Variants in HOXD12 observed in about 807,000 individuals in gnomAD.
HOXD12 encodes homeobox protein Hox-D12.
A neutral mutation model predicts 20.2 loss-of-function variants in HOXD12; 21 were observed. The ratio of observed to expected loss-of-function variants is 1.04; its 90% CI spans 0.74 to 1.50. HOXD12 has a LOEUF of 1.50. Among genes scored for constraint, HOXD12 ranks in the 40% most tolerant of loss-of-function variants. The probability of loss-of-function intolerance (pLI) is 0.00; values close to 1 mark genes in which losing one functional copy is unlikely to be tolerated. For synonymous variants in HOXD12, 196 were observed against 168.8 expected (o/e 1.16, Z -1.25); for missense variants, 472 against 365.5 (o/e 1.29, Z -2.38).
chr2:176,100,938 T>C lies in HOXD12; in HGVS notation c.*178T>C. The C allele has an allele frequency of 3.3e-6, 2 of 607,506 alleles. No individual in the cohort carries two copies. The highest frequency in any genetic ancestry group is 2.9e-5 in the Admixed American group (1 of 34,070). 37.6% of individuals were successfully genotyped at this position (607,506 alleles called of 1,614,324 possible). On this transcript the variant is annotated 3_prime_UTR_variant, in exon 2 of 2. Coordinates refer to ENST00000406506, the MANE Select transcript of HOXD12 (RefSeq NM_021193.4). ...GGGCCTCCTTGCTTTCCTCAGTCCC[T>C]GAGAAGCCCGTGAGAAACGTGCGGA...
rs1689460355 is a variant in HOXD12 at position 176,099,799 on chromosome 2, G to C, written c.-3G>C. The C allele has an allele frequency of 6.9e-7, 1 of 1,456,084 alleles. No individual in the cohort carries two copies. The highest frequency in any genetic ancestry group is 1.5e-5 in the African/African-American group (1 of 67,216). The allele number at this position is 1,456,084 out of a possible 1,614,324, so 90.2% of individuals were successfully genotyped here. The stretch of plus-strand genomic sequence containing the variant: ...CGAGCGCAGCCGAAGCCCTTTGTTG[G>C]AGATGTGTGAGCGCAGTCTCTACAG... On this transcript the variant is annotated 5_prime_UTR_variant, in exon 1 of 2. Coordinates refer to ENST00000406506, the MANE Select transcript of HOXD12 (RefSeq NM_021193.4).
At position 176,101,498 on chromosome 2, in the gene HOXD12, A is replaced by G. The variant is rs1013887089; in HGVS notation, c.*738A>G. On this transcript the variant is annotated 3_prime_UTR_variant, in exon 2 of 2. Transcript: ENST00000406506. ...CATTTCCTGAGATGGGATGAGAGAG[A>G]CTGGGACTCCAGACAAGTGCCATCT... Among the ~76,000 whole-genome samples, 9 of 152,112 alleles carry G rather than the reference A, an allele frequency of 5.9e-5. No homozygotes were observed. Among genetic ancestry groups the G allele is most frequent in the African/African-American group, 2.2e-4 (9 of 41,422 alleles).
At position 176,100,568 on chromosome 2, in the gene HOXD12, A is replaced by T; in HGVS notation, c.621A>T (p.Lys207Asn). The T allele has an allele frequency of 6.2e-7, 1 of 1,611,748 alleles. No homozygotes were observed. Among genetic ancestry groups the T allele is most frequent in the Non-Finnish European group, 8.5e-7 (1 of 1,178,978 alleles). The part of the protein sequence containing the change: ...AAPGRARKKR[K>N]PYTKQQIAEL... The stretch of plus-strand genomic sequence containing the variant: ...CGGGGAGGGCCCGCAAGAAGCGGAA[A>T]CCCTACACGAAGCAGCAGATTGCGG... Residue 207 changes from lysine (K) to asparagine (N), a missense_variant, in exon 2 of 2, where the codon AAA becomes AAT. Transcript: ENST00000406506.
At position 176,101,889 on chromosome 2, in the gene HOXD12, C is replaced by T. The variant is rs953447647; in HGVS notation, c.*1129C>T. Among the ~76,000 whole-genome samples, 1 of 152,236 alleles carries T rather than the reference C, an allele frequency of 6.6e-6. No individual in the cohort carries two copies. On this transcript the variant is annotated 3_prime_UTR_variant, in exon 2 of 2. Transcript: ENST00000406506. ...CTTAGATTCTCTGCCCCGCTAGCTG[C>T]TCTTGACAAAGCAAAGAGGACCAGA...
Position 176,100,268 on chromosome 2 carries a change from C to T in HOXD12, c.467C>T (p.Ala156Val). The change falls in exon 1 of 2, where the codon GCT becomes GTT. Residue 156 changes from alanine (A) to valine (V), a missense_variant. Coordinates refer to ENST00000406506, the MANE Select transcript of HOXD12 (RefSeq NM_021193.4). ...GGCTCCACGACCCTGCTCCAGGGGG[C>T]TCCCTGCGCCCCTGGCTTCAAGGAC... ...TPGSTTLLQG[A>V]PCAPGFKDDT... 1.2e-6 allele frequency: 2 copies of T among 1,612,496 alleles called. No individual in the cohort carries two copies. Among genetic ancestry groups the T allele is most frequent in the Non-Finnish European group, 1.7e-6 (2 of 1,179,780 alleles).
At chr2:176,100,471 G>A (rs1038612406) in intron 1 of HOXD12, 51 bp from the exon 2 acceptor site, 1 of 1,584,882 alleles carries the variant, frequency 6.3e-7, no homozygotes. Context: ...CTGGGGGCGG[G>A]CAATAGACAG....
chr2:176,100,022 A>C lies in HOXD12; in HGVS notation c.221A>C (p.Gln74Pro), dbSNP rs769768602. The change falls in exon 1 of 2, where the codon CAG becomes CCG. Residue 74 changes from glutamine (Q) to proline (P), a missense_variant. By Grantham distance (76) the Gln-to-Pro change is moderately conservative. Coordinates refer to ENST00000406506, the MANE Select transcript of HOXD12 (RefSeq NM_021193.4). Reference sequence around the variant, plus strand: ...GCCACTGCCTTCGGCGGCTTCTCGCAGCCCTACCTGGCTGGCTCCGGGCCT... The same window carrying C: ...GCCACTGCCTTCGGCGGCTTCTCGCCGCCCTACCTGGCTGGCTCCGGGCCT... The part of the protein sequence containing the change: ...AGATAFGGFS[Q>P]PYLAGSGPLG... 3.2e-6 allele frequency: 5 copies of C among 1,565,882 alleles called. No homozygotes were observed. The East Asian group carries it at 1.2e-4, about 37-fold the overall frequency.
chr2:176,100,020 G>A lies in HOXD12; in HGVS notation c.219G>A (p.Ser73=). The change falls in exon 1 of 2, where the codon TCG becomes TCA. Residue 73 remains serine, a synonymous_variant. Coordinates refer to ENST00000406506, the MANE Select transcript of HOXD12 (RefSeq NM_021193.4). Reference sequence around the variant, plus strand: ...GCGCCACTGCCTTCGGCGGCTTCTCGCAGCCCTACCTGGCTGGCTCCGGGC... The same window carrying A: ...GCGCCACTGCCTTCGGCGGCTTCTCACAGCCCTACCTGGCTGGCTCCGGGC... ...PAGATAFGGF[S]QPYLAGSGPL... 6.4e-7 allele frequency: 1 copy of A among 1,564,426 alleles called. No individual in the cohort carries two copies. Among genetic ancestry groups the A allele is most frequent in the Non-Finnish European group, 8.7e-7 (1 of 1,154,748 alleles).
chr2:176,100,710 A>G lies in HOXD12; in HGVS notation c.763A>G (p.Met255Val), dbSNP rs368697335. The change falls in exon 2 of 2, where the codon ATG (methionine) becomes GTG (valine). Residue 255 changes from methionine to valine, a missense_variant. Met to Val is a conservative substitution (Grantham distance 21, BLOSUM62 1). Coordinates refer to ENST00000406506, the MANE Select transcript of HOXD12 (RefSeq NM_021193.4). ...QVKIWFQNRR[M>V]KKKRVVLREQ... ...CAAAATCTGGTTCCAGAACAGGCGT[A>G]TGAAGAAGAAGCGCGTGGTGCTTCG... The G allele has an allele frequency of 1.9e-5, 31 of 1,613,904 alleles. No homozygotes were observed. Among genetic ancestry groups the G allele is most frequent in the Non-Finnish European group, 2.4e-5 (28 of 1,179,892 alleles).
rs750205896 is a variant in HOXD12 at position 176,100,760 on chromosome 2, G to A, written c.813G>A (p.Ter271=). 9 of 1,608,368 alleles carry A rather than the reference G, an allele frequency of 5.6e-6. No homozygotes were observed. The African/African-American group carries it at 1.1e-4, about 19-fold the overall frequency. Residue 271 remains the stop codon, a stop_retained_variant, in exon 2 of 2, where the codon TAG becomes TAA. Coordinates refer to ENST00000406506, the MANE Select transcript of HOXD12 (RefSeq NM_021193.4). ...GGGAGCAGGCGCTGGCGCTCTACTA[G>A]CCGCGCGCGTGGCCAGGGCCGGGTT... is the stretch of plus-strand genomic sequence containing the variant. ...VLREQALALY[*] is the part of the protein sequence containing the mutation.
At position 176,100,173 on chromosome 2, in the gene HOXD12, C is replaced by T; in HGVS notation, c.372C>T (p.Ser124=). 6.2e-7 allele frequency: 1 copy of T among 1,612,386 alleles called. No individual in the cohort carries two copies. The highest frequency in any genetic ancestry group is 2.2e-5 in the East Asian group (1 of 44,872). The change falls in exon 1 of 2, where the codon AGC becomes AGT. Residue 124 remains serine, a synonymous_variant. Coordinates refer to ENST00000406506, the MANE Select transcript of HOXD12 (RefSeq NM_021193.4). ...RTRPSFAPES[S]LAPAVAALKA... ...GGCCGTCCTTCGCCCCCGAGTCTAG[C>T]CTGGCTCCTGCAGTGGCTGCTCTCA...
rs1285897211 is a variant in HOXD12, at chr2:176,100,050, C to A, written c.249C>A (p.Leu83=). Reference sequence around the variant, plus strand: ...CCTACCTGGCTGGCTCCGGGCCTCTCGGCCTGCAGCCCCCAACAGCCAAAG... The same window carrying A: ...CCTACCTGGCTGGCTCCGGGCCTCTAGGCCTGCAGCCCCCAACAGCCAAAG... ...SQPYLAGSGP[L]GLQPPTAKDG... The change falls in exon 1 of 2, where the codon CTC becomes CTA. Residue 83 remains leucine, a synonymous_variant. Coordinates refer to ENST00000406506, the MANE Select transcript of HOXD12 (RefSeq NM_021193.4). 1.3e-6 allele frequency: 2 copies of A among 1,582,446 alleles called. No individual in the cohort carries two copies. Among genetic ancestry groups the A allele is most frequent in the East Asian group, 2.3e-5 (1 of 43,162 alleles).
Position 176,100,104 on chromosome 2 carries a change from T to C in HOXD12, c.303T>C (p.Tyr101=). The change falls in exon 1 of 2, where the codon TAT becomes TAC. Residue 101 remains tyrosine, a synonymous_variant. Transcript: ENST00000406506. Reference sequence around the variant, plus strand: ...GACCCGAAGAGCAGGCTAAGTTCTATGCGCCCGAAGCGGCCGCTGGGCCAG... The same window carrying C: ...GACCCGAAGAGCAGGCTAAGTTCTACGCGCCCGAAGCGGCCGCTGGGCCAG... The part of the protein sequence containing the change: ...KDGPEEQAKF[Y]APEAAAGPEE... The C allele has an allele frequency of 6.2e-7, 1 of 1,607,910 alleles. No individual in the cohort carries two copies. The highest frequency in any genetic ancestry group is 8.5e-7 in the Non-Finnish European group (1 of 1,178,660).
Position 176,100,262 on chromosome 2 carries a change from AG to A in HOXD12, c.466del (p.Ala156LeufsTer17), listed in dbSNP as rs770185508. The A allele has an allele frequency of 1.3e-5, 21 of 1,612,356 alleles. No individual in the cohort carries two copies. Among genetic ancestry groups the A allele is most frequent in the South Asian group, 3.3e-5 (3 of 91,082 alleles). On this transcript the variant is annotated frameshift_variant, in exon 1 of 2. Coordinates refer to ENST00000406506, the MANE Select transcript of HOXD12 (RefSeq NM_021193.4). LOFTEE classifies it high-confidence loss of function. ...RATPGSTTLL[Q>X]GAPCAPGFKD... ...ACGCCGGGCTCCACGACCCTGCTCCAGGGGGCTCCCTGCGCCCCTGGCTTCA... is the reference window on the plus strand; with the variant it reads ...ACGCCGGGCTCCACGACCCTGCTCCAGGGGCTCCCTGCGCCCCTGGCTTCA...
At position 176,100,737 on chromosome 2, in the gene HOXD12, G is replaced by C. The variant is rs200302685; in HGVS notation, c.790G>C (p.Glu264Gln). The C allele has an allele frequency of 1.5e-4, 235 of 1,613,566 alleles. No individual in the cohort carries two copies. Among genetic ancestry groups the C allele is most frequent in the Middle Eastern group, 9.9e-4 (6 of 6,060 alleles). Residue 264 changes from glutamate (E) to glutamine (Q), a missense_variant, in exon 2 of 2, where the codon GAG (glutamate) becomes CAG (glutamine). By Grantham distance (29) the Glu-to-Gln change is conservative (BLOSUM62 2). Transcript: ENST00000406506. ...GAAGAAGAAGCGCGTGGTGCTTCGG[G>C]AGCAGGCGCTGGCGCTCTACTAGCC... ...RMKKKRVVLREQALALY is the reference protein window; with the variant it reads ...RMKKKRVVLRQQALALY
chr2:176,100,217 A>G lies in HOXD12; in HGVS notation c.416A>G (p.Tyr139Cys), dbSNP rs1206806789. 3.7e-6 allele frequency: 6 copies of G among 1,612,188 alleles called. No homozygotes were observed. In the African/African-American group the frequency reaches 5.3e-5, roughly 14 times the overall value. Residue 139 changes from tyrosine (Y) to cysteine (C), a missense_variant, in exon 1 of 2, where the codon TAC becomes TGC. Coordinates refer to ENST00000406506, the MANE Select transcript of HOXD12 (RefSeq NM_021193.4). The stretch of plus-strand genomic sequence containing the variant: ...GCTCTCAAAGCGGCCAAGTATGACT[A>G]CGCTGGTGTGGGTCGTGCCACGCCG... ...VAALKAAKYD[Y>C]AGVGRATPGS...
Position 176,101,143 on chromosome 2 carries a change from A to G in HOXD12, c.*383A>G, listed in dbSNP as rs539404579. ...CCCCTCTCTCCAGCCCCTTCAGCGT[A>G]TAGCAGTCGCCTAGTTAGGGCTCAG... On this transcript the variant is annotated 3_prime_UTR_variant, in exon 2 of 2. Coordinates refer to ENST00000406506, the MANE Select transcript of HOXD12 (RefSeq NM_021193.4). The G allele has an allele frequency of 7.0e-6, 2 of 284,640 alleles. No individual in the cohort carries two copies. Among genetic ancestry groups the G allele is most frequent in the South Asian group, 9.1e-5 (2 of 22,044 alleles). The allele number at this position is 284,640 out of a possible 1,614,324, so 17.6% of individuals were successfully genotyped here.
Position 176,100,195 on chromosome 2 carries a change from C to T in HOXD12, c.394C>T (p.Leu132Phe), listed in dbSNP as rs762907983. The part of the protein sequence containing the change: ...ESSLAPAVAA[L>F]KAAKYDYAGV... ...TAGCCTGGCTCCTGCAGTGGCTGCTCTCAAAGCGGCCAAGTATGACTACGC... is the reference window on the plus strand; with the variant it reads ...TAGCCTGGCTCCTGCAGTGGCTGCTTTCAAAGCGGCCAAGTATGACTACGC... The change falls in exon 1 of 2, where the codon CTC becomes TTC. Residue 132 changes from leucine to phenylalanine, a missense_variant. Coordinates refer to ENST00000406506, the MANE Select transcript of HOXD12 (RefSeq NM_021193.4). The T allele has an allele frequency of 1.9e-6, 3 of 1,612,208 alleles. No homozygotes were observed. Among genetic ancestry groups the T allele is most frequent in the Non-Finnish European group, 1.7e-6 (2 of 1,179,726 alleles).
rs201839891 is a variant in HOXD12 at position 176,100,031 on chromosome 2, T to C, written c.230T>C (p.Leu77Pro). Residue 77 changes from leucine (L) to proline (P), a missense_variant, in exon 1 of 2, where the codon CTG becomes CCG. Physicochemically the swap from Leu to Pro is moderately conservative, Grantham distance 98 (BLOSUM62 -3). Coordinates refer to ENST00000406506, the MANE Select transcript of HOXD12 (RefSeq NM_021193.4). ...TTCGGCGGCTTCTCGCAGCCCTACC[T>C]GGCTGGCTCCGGGCCTCTCGGCCTG... Reference protein sequence around the residue: ...TAFGGFSQPYLAGSGPLGLQP... With the variant: ...TAFGGFSQPYPAGSGPLGLQP... 1,751 of 1,571,034 alleles carry C rather than the reference T, an allele frequency of 1.1e-3. 4 individuals are homozygous for C. The highest frequency in any genetic ancestry group is 2.0e-3 in the Middle Eastern group (12 of 5,956).
Sources: allele counts gnomAD v4.1 joint callset (sites outside exome capture counted in the v4.1 genomes callset), GRCh38; gene constraint gnomAD v4.1.1; transcripts MANE v1.5; gene names NCBI Gene and HGNC (gene_info 2026-07-23, HGNC 2026-07-21).